The following AGAP1 variants were observed in gnomAD, a reference collection of about 807,000 sequenced individuals.
The protein encoded by AGAP1 is ArfGAP with GTPase domain, ankyrin repeat and PH domain 1.
In AGAP1, 29 loss-of-function variants were observed where a neutral mutation model predicts 105.3. That is an observed-to-expected ratio of 0.28 (90% CI 0.21 to 0.38). AGAP1 has a LOEUF of 0.38. Among genes scored for constraint, AGAP1 ranks in the 10% least tolerant of loss-of-function variants. The pLI is 1.00. For missense variants in AGAP1, 998 were observed against 1,165.1 expected, an observed-to-expected ratio of 0.86 and a Z score of 2.09; for synonymous variants, 509 against 485.9, an observed-to-expected ratio of 1.05 and a Z score of -0.63.
chr2:235,697,553 C>A (rs1001487288), intron 1 of AGAP1, among the ~76,000 whole-genome samples: 3 of 152,206 alleles, frequency 2.0e-5, no homozygotes, highest in African/African-American at 7.2e-5. Context: ...GCTTCACAGA[C>A]TGTGCTCCCT....
At chr2:235,756,680 T>A (rs1953951947) in intron 6 of AGAP1, among the ~76,000 whole-genome samples, 1 of 152,176 alleles carries the variant, frequency 6.6e-6, no homozygotes, top group Admixed American at 6.5e-5. Context: ...GTGAGCAGCT[T>A]GCAAGTGAGC....
intron 1 of AGAP1, among the ~76,000 whole-genome samples, chr2:235,580,884 G>A (rs1473102750): frequency 2.0e-5 from 3 of 152,258 alleles, no homozygotes; most frequent in African/African-American, 7.2e-5. Flanking sequence ...CTCGACCTTA[G>A]GGTGTAATGT....
chr2:235,995,987 A>G (rs770180634), intron 13 of AGAP1, among the ~76,000 whole-genome samples: 79 of 152,270 alleles, frequency 5.2e-4, no homozygotes, highest in Non-Finnish European at 5.4e-4. Context: ...GCCTCCCTGC[A>G]GTGTTATTAG....
At chr2:235,784,557 C>T (rs190505722) in intron 6 of AGAP1, among the ~76,000 whole-genome samples, 25 of 138,404 alleles carry the variant, frequency 1.8e-4, no homozygotes, top group Admixed American at 3.9e-4. Context: ...GTGCTGTGAG[C>T]GATTACAATG....
At chr2:235,775,944 TG>T (rs1347480366) in intron 6 of AGAP1, 1 of 152,222 alleles carries the variant, frequency 6.6e-6, no homozygotes, top group Admixed American at 6.5e-5. Flanking sequence ...TTTCCGTGCC[TG>T]GGATTGCCTT....
chr2:235,671,130 G>A, intron 1 of AGAP1: 2 of 1,233,786 alleles, frequency 1.6e-6, no homozygotes, highest in Non-Finnish European at 2.0e-6. Flanking sequence ...CAGCGGCTAT[G>A]GGACCCGCCC....
Position 235,971,596 on chromosome 2 carries a change from A to G in AGAP1, c.1645+2973A>G, listed in dbSNP as rs2054644691. On this transcript the variant is annotated intron_variant, in intron 13 of 17. Transcript: ENST00000304032. This position sits in a 1 kb window ranked among gnomAD's most constrained non-coding sequence, Gnocchi z 4.8. Reference sequence around the variant, plus strand: ...TCCCAGCTACTTGGGAGGCTGAGGCAGGAGAATGGCGTGAACCCAGGAGGT... The same window carrying G: ...TCCCAGCTACTTGGGAGGCTGAGGCGGGAGAATGGCGTGAACCCAGGAGGT... 6.6e-6 allele frequency among the ~76,000 whole-genome samples: 1 copy of G among 151,892 alleles called. No individual in the cohort carries two copies. Among genetic ancestry groups the G allele is most frequent in the Non-Finnish European group, 1.5e-5 (1 of 67,944 alleles).
Position 235,621,835 on chromosome 2 carries a change from T to A in AGAP1, c.164-87344T>A, listed in dbSNP as rs1475528203. Reference sequence around the variant, plus strand: ...GTAACCCCCTGGGAGCGGCTGCTGATGTTCTGGCTCTCTGCAGTTGGGTAG... The same window carrying A: ...GTAACCCCCTGGGAGCGGCTGCTGAAGTTCTGGCTCTCTGCAGTTGGGTAG... On this transcript the variant is annotated intron_variant, in intron 1 of 17. Transcript: ENST00000304032. This position sits in a 1 kb window ranked among gnomAD's most constrained non-coding sequence, Gnocchi z 4.1. Among the ~76,000 whole-genome samples, 1 of 152,190 alleles carries A rather than the reference T, an allele frequency of 6.6e-6. No homozygotes were observed. The highest frequency in any genetic ancestry group is 1.5e-5 in the Non-Finnish European group (1 of 68,028).
chr2:235,581,690 C>T (rs1463673249), intron 1 of AGAP1, among the ~76,000 whole-genome samples: 1 of 151,868 alleles, frequency 6.6e-6, no homozygotes, highest in East Asian at 1.9e-4. Context: ...CCTGTAATCC[C>T]AGCTACTCAA....
At chr2:235,693,550 G>A (rs981798980) in intron 1 of AGAP1, among the ~76,000 whole-genome samples, 3 of 152,124 alleles carry the variant, frequency 2.0e-5, no homozygotes, top group African/African-American at 7.2e-5. Context: ...AAGGCATTGC[G>A]GAAAGCTCTC....
rs760425326 is a variant in AGAP1 at position 235,799,408 on chromosome 2, C to G, written c.843C>G (p.Ser281=). 3 of 1,614,118 alleles carry G rather than the reference C, an allele frequency of 1.9e-6. No individual in the cohort carries two copies. Among genetic ancestry groups the G allele is most frequent in the Non-Finnish European group, 2.5e-6 (3 of 1,180,010 alleles). ...GGAGTTTAAGCGACTATTCCTCCTC[C>G]GTTCCATCGACTCCCAGCACCAGCC... is the stretch of plus-strand genomic sequence containing the variant. ...GGGSLSDYSS[S]VPSTPSTSQK... Residue 281 remains serine, a synonymous_variant, in exon 8 of 18, where the codon TCC becomes TCG. Transcript: ENST00000304032. This position sits in a 1 kb window ranked among gnomAD's most constrained non-coding sequence, Gnocchi z 5.0.
In AGAP1 at chr2:235,964,533, T is replaced by C. The variant is rs1350855411; in HGVS notation, c.1484-3929T>C. Among the ~76,000 whole-genome samples, 1 of 152,178 alleles carries C rather than the reference T, an allele frequency of 6.6e-6. No individual in the cohort carries two copies. The highest frequency in any genetic ancestry group is 2.4e-5 in the African/African-American group (1 of 41,450). The stretch of plus-strand genomic sequence containing the variant: ...GAGCAAAAAGATTGCCTGCCTGGTT[T>C]GAGCATTGAATAACACAGAGAAGGG... On this transcript the variant is annotated intron_variant, in intron 12 of 17. Transcript: ENST00000304032. This position sits in a 1 kb window ranked among gnomAD's most constrained non-coding sequence, Gnocchi z 4.6.
chr2:235,603,858 G>A (rs1483352678), intron 1 of AGAP1, among the ~76,000 whole-genome samples: 1 of 152,108 alleles, frequency 6.6e-6, no homozygotes, highest in African/African-American at 2.4e-5. Context: ...TAGTTAGGTG[G>A]GTCTTACCGC....
chr2:236,112,183 A>AAGTG (rs1559287646), intron 16 of AGAP1, among the ~76,000 whole-genome samples: 3 of 151,800 alleles, frequency 2.0e-5, no homozygotes, highest in Non-Finnish European at 4.4e-5. Flanking sequence ...TGGGAGGCCG[A>AAGTG]GGAGGACAGA....
intron 1 of AGAP1, among the ~76,000 whole-genome samples, chr2:235,607,324 T>C (rs1945977621): frequency 6.6e-6 from 1 of 152,258 alleles, no homozygotes; most frequent in Non-Finnish European, 1.5e-5. Context: ...CATTGTGTGC[T>C]AAAAACAATG....
Position 236,022,893 on chromosome 2 carries a change from A to G in AGAP1, c.1646-13668A>G, listed in dbSNP as rs116481289. 5.8e-3 allele frequency among the ~76,000 whole-genome samples: 881 copies of G among 152,328 alleles called. 5 individuals are homozygous for G. Among genetic ancestry groups the G allele is most frequent in the African/African-American group, 0.02 (832 of 41,568 alleles). Reference sequence around the variant, plus strand: ...TACAAAAATGGGAGAAAATTTGAAAATAAAAACTGACTTTCTAATACTGTG... The same window carrying G: ...TACAAAAATGGGAGAAAATTTGAAAGTAAAAACTGACTTTCTAATACTGTG... On this transcript the variant is annotated intron_variant, in intron 13 of 17. Coordinates refer to ENST00000304032, the MANE Select transcript of AGAP1 (RefSeq NM_001037131.3).
Position 235,724,552 on chromosome 2 carries a change from G to GC in AGAP1, c.310+6911dup, listed in dbSNP as rs1214539322. Among the ~76,000 whole-genome samples the GC allele has an allele frequency of 6.6e-6, 1 of 152,122 alleles. No individual in the cohort carries two copies. The highest frequency in any genetic ancestry group is 1.5e-5 in the Non-Finnish European group (1 of 68,012). Reference sequence around the variant, plus strand: ...CCAGCGTAGGGCAGGGGAAGTCAGTGCCCTCCCAGATGGAAAAGGTACCTG... The same window carrying GC: ...CCAGCGTAGGGCAGGGGAAGTCAGTGCCCCTCCCAGATGGAAAAGGTACCTG... On this transcript the variant is annotated intron_variant, in intron 3 of 17. Coordinates refer to ENST00000304032, the MANE Select transcript of AGAP1 (RefSeq NM_001037131.3). This position sits in a 1 kb window ranked among gnomAD's most constrained non-coding sequence, Gnocchi z 4.9.
In AGAP1 at chr2:235,799,442, C is replaced by A; in HGVS notation, c.877C>A (p.Leu293Ile). The change falls in exon 8 of 18, where the codon CTT (leucine) becomes ATT (isoleucine). Residue 293 changes from leucine to isoleucine, a missense_variant. By Grantham distance (5) the Leu-to-Ile change is conservative (BLOSUM62 2). This residue lies in a region of AGAP1 where 735 missense variants were observed against 833.4 expected (regional missense o/e 0.88). Coordinates refer to ENST00000304032, the MANE Select transcript of AGAP1 (RefSeq NM_001037131.3). This position sits in a 1 kb window ranked among gnomAD's most constrained non-coding sequence, Gnocchi z 5.0. The stretch of plus-strand genomic sequence containing the variant: ...GACTCCCAGCACCAGCCAGAAGGAA[C>A]TTCGGATCGATGTTCCTCCCACTGC... The part of the protein sequence containing the change: ...PSTPSTSQKE[L>I]RIDVPPTANT... 1 of 1,614,202 alleles carries A rather than the reference C, an allele frequency of 6.2e-7. No homozygotes were observed. The highest frequency in any genetic ancestry group is 1.3e-5 in the African/African-American group (1 of 75,040).
intron 6 of AGAP1, among the ~76,000 whole-genome samples, chr2:235,758,305 T>A (rs1954107352): frequency 6.6e-6 from 1 of 152,216 alleles, no homozygotes; most frequent in Non-Finnish European, 1.5e-5. Flanking sequence ...TCACTTGTAG[T>A]AATGACTAAT....
Sources: gnomAD v4.1 joint callset for allele counts (sites outside exome capture counted in the v4.1 genomes callset) on GRCh38, gnomAD v4.1.1 for gene constraint, gnomAD v4.1.1 regional missense constraint, Gnocchi (gnomAD v3.1) non-coding constraint, MANE v1.5 for transcripts, NCBI Gene and HGNC (gene_info 2026-07-23, HGNC 2026-07-21) for gene names.